Variants in CLSTN1 observed in about 807,000 individuals in gnomAD.
CLSTN1 encodes calsyntenin-1.
In CLSTN1, 28 loss-of-function variants were observed where a neutral mutation model predicts 108.3. The ratio of observed to expected loss-of-function variants is 0.26; its 90% CI spans 0.19 to 0.35. The LOEUF is 0.35. Ranked by LOEUF, CLSTN1 falls within the 10% of genes least tolerant of loss-of-function variation. CLSTN1 has a pLI of 1.00. For missense variants in CLSTN1, 1,157 were observed against 1,302.6 expected (o/e 0.89, Z 1.72); for synonymous variants, 524 against 534.9 (o/e 0.98, Z 0.28).
intron 1 of CLSTN1, among the ~76,000 whole-genome samples, chr1:9,779,494 T>C (rs1389942437): frequency 6.6e-6 from 1 of 151,044 alleles, no homozygotes; most frequent in Non-Finnish European, 1.5e-5. Context: ...GAGGTGGAGG[T>C]TGCAGTGAGC....
At chr1:9,782,754 C>G (rs1240557872) in intron 1 of CLSTN1, among the ~76,000 whole-genome samples, 1 of 152,204 alleles carries the variant, frequency 6.6e-6, no homozygotes, top group African/African-American at 2.4e-5. Context: ...CACCTGTAAT[C>G]CTAGCACTTT....
chr1:9,790,528 T>A (rs150556181), intron 1 of CLSTN1, among the ~76,000 whole-genome samples: 10 of 151,618 alleles, frequency 6.6e-5, no homozygotes, highest in Non-Finnish European at 1.3e-4. Context: ...GATTTGATTT[T>A]TGTTGAGGAC....
chr1:9,748,851 T>C (rs986694746), intron 7 of CLSTN1, among the ~76,000 whole-genome samples: 4 of 152,182 alleles, frequency 2.6e-5, no homozygotes, highest in Non-Finnish European at 5.9e-5. Context: ...TGTACTCCTA[T>C]AGAAGCCCTT....
chr1:9,771,617 A>G (rs965394150), intron 2 of CLSTN1, among the ~76,000 whole-genome samples: 1 of 150,018 alleles, frequency 6.7e-6, no homozygotes, highest in Non-Finnish European at 1.5e-5. Flanking sequence ...GTTTCAGGAG[A>G]AAAAAAAAAT....
rs763608960 is a variant in CLSTN1 at position 9,741,108 on chromosome 1, C to A, written c.1505G>T (p.Gly502Val). 6.2e-7 allele frequency: 1 copy of A among 1,613,462 alleles called. No homozygotes were observed. Among genetic ancestry groups the A allele is most frequent in the East Asian group, 2.2e-5 (1 of 44,882 alleles). The change falls in exon 10 of 19, where the codon GGG (glycine) becomes GTG (valine). Residue 502 changes from glycine to valine, a missense_variant. Gly to Val is a moderately radical substitution (Grantham distance 109). Transcript: ENST00000377298. ...ATGACAGGTACCTTGCCAGCAAGCC[C>A]CCACCACGAGCTGAGTTTCTATCTT... Reference protein sequence around the residue: ...PSKIETQLVVGACWQEFSGVE... With the variant: ...PSKIETQLVVVACWQEFSGVE...
chr1:9,743,712 T>A (rs1651095122), intron 9 of CLSTN1, among the ~76,000 whole-genome samples, 172 bp downstream of exon 9: 1 of 150,298 alleles, frequency 6.7e-6, no homozygotes, highest in South Asian at 2.1e-4. Flanking sequence ...CATGCCCAGC[T>A]AATTTTCGTG....
At chr1:9,751,437 T>G in intron 5 of CLSTN1, 36 bp downstream of exon 5, 1 of 1,603,556 alleles carries the variant, frequency 6.2e-7, no homozygotes. Context: ...GCAGGGACTG[T>G]CTACCTAGCT....
At chr1:9,797,197 A>T (rs1321463346) in intron 1 of CLSTN1, among the ~76,000 whole-genome samples, 5 of 152,208 alleles carry the variant, frequency 3.3e-5, no homozygotes, top group Admixed American at 2.0e-4. Context: ...AAAGAAATCA[A>T]GCTGGACTCA....
At chr1:9,824,164 T>G (rs1258969736), upstream of CLSTN1, 3 of 144,954 alleles carry the variant, frequency 2.1e-5, no homozygotes, top group Non-Finnish European at 4.6e-5. The surrounding 1 kb of genome is among the most constrained non-coding windows in gnomAD (Gnocchi z 5.0). Context: ...TCCGAGCCCG[T>G]CGGCCCCGCC....
At chr1:9,821,675 A>T (rs1311031264) in intron 1 of CLSTN1, among the ~76,000 whole-genome samples, 1 of 152,202 alleles carries the variant, frequency 6.6e-6, no homozygotes, top group Non-Finnish European at 1.5e-5. Context: ...GAGCCCACAG[A>T]GTGTCTCCAA....
At position 9,730,096 on chromosome 1, in the gene CLSTN1, T is replaced by A. The variant is rs2101066929; in HGVS notation, c.*412A>T. 4.6e-6 allele frequency: 1 copy of A among 218,726 alleles called. No individual in the cohort carries two copies. The highest frequency in any genetic ancestry group is 2.2e-5 in the African/African-American group (1 of 44,844). The allele number at this position is 218,726 out of a possible 1,614,324, so 13.5% of individuals were successfully genotyped here. On this transcript the variant is annotated 3_prime_UTR_variant, in exon 19 of 19. Coordinates refer to ENST00000377298, the MANE Select transcript of CLSTN1 (RefSeq NM_001009566.3). The surrounding 1 kb of genome is among the most constrained non-coding windows in gnomAD (Gnocchi z 5.6). Reference sequence around the variant, plus strand: ...GCACTAGTTTGGAAAAAATAAAAACTTTTTTTAAAAAAAGAAAAAAATGAT... The same window carrying A: ...GCACTAGTTTGGAAAAAATAAAAACATTTTTTAAAAAAAGAAAAAAATGAT...
At chr1:9,731,936 C>A (rs1036540857) in intron 16 of CLSTN1, 40 bp from the exon 17 acceptor site, 1 of 1,612,716 alleles carries the variant, frequency 6.2e-7, no homozygotes, top group African/African-American at 1.3e-5. Flanking sequence ...GACAGGCATC[C>A]TGAGCCTGTC....
chr1:9,736,097 C>T lies in CLSTN1; in HGVS notation c.1577-55G>A. 4 of 1,605,438 alleles carry T rather than the reference C, an allele frequency of 2.5e-6. No individual in the cohort carries two copies. In the South Asian group the frequency reaches 3.3e-5, roughly 13 times the overall value. On this transcript the variant is annotated intron_variant, in intron 11 of 18. Coordinates refer to ENST00000377298, the MANE Select transcript of CLSTN1 (RefSeq NM_001009566.3). ...AGGCGTGCAACCCAGCATCGCCCAACTCACTTCTCACTCAACACGGTGTTA... is the reference window on the plus strand; with the variant it reads ...AGGCGTGCAACCCAGCATCGCCCAATTCACTTCTCACTCAACACGGTGTTA...
chr1:9,779,008 C>A (rs1247217840), intron 1 of CLSTN1, among the ~76,000 whole-genome samples: 1 of 145,608 alleles, frequency 6.9e-6, no homozygotes, highest in Non-Finnish European at 1.5e-5. Flanking sequence ...GGGAGAGAAG[C>A]GAGAGACTTC....
chr1:9,794,062 T>C (rs1653883536), intron 1 of CLSTN1, among the ~76,000 whole-genome samples: 1 of 151,452 alleles, frequency 6.6e-6, no homozygotes. Flanking sequence ...TGGAGGGGGA[T>C]GCTAATGACC....
intron 1 of CLSTN1, among the ~76,000 whole-genome samples, chr1:9,787,287 T>C (rs1653542283): frequency 2.6e-5 from 4 of 151,300 alleles, no homozygotes; most frequent in African/African-American, 9.7e-5. Flanking sequence ...AAACAGCCCC[T>C]GCCCTCTCAG....
In CLSTN1 at chr1:9,735,544, C is replaced by T. The variant is rs190578331; in HGVS notation, c.1806G>A (p.Met602Ile). 72 of 1,614,170 alleles carry T rather than the reference C, an allele frequency of 4.5e-5. 1 individual carries two copies. The East Asian group carries it at 1.5e-3, about 34-fold the overall frequency. ...GGGAGTTCAGGTACGAGATGTGCTG[C>T]ATGGCCTTATCCAATTCCCCGAGGT... Reference protein sequence around the residue: ...GEDLGELDKAMQHISYLNSRQ... With the variant: ...GEDLGELDKAIQHISYLNSRQ... The change falls in exon 13 of 19, where the codon ATG (methionine) becomes ATA (isoleucine). Residue 602 changes from methionine (M) to isoleucine (I), a missense_variant. Physicochemically the swap from Met to Ile is conservative, Grantham distance 10. Coordinates refer to ENST00000377298, the MANE Select transcript of CLSTN1 (RefSeq NM_001009566.3).
At chr1:9,744,251 C>A in intron 8 of CLSTN1, 144 bp downstream of exon 8, 1 of 1,283,324 alleles carries the variant, frequency 7.8e-7, no homozygotes, top group Non-Finnish European at 1.1e-6. Flanking sequence ...TCTAGGGAAC[C>A]AAGTGCCCCA....
In CLSTN1 at chr1:9,821,571, A is replaced by G. The variant is rs943837435; in HGVS notation, c.91+2072T>C. Among the ~76,000 whole-genome samples, 3 of 152,232 alleles carry G rather than the reference A, an allele frequency of 2.0e-5. No homozygotes were observed. In the East Asian group the frequency reaches 5.8e-4, roughly 29 times the overall value. ...AGTCTGTACGTAATCTAACATTAAC[A>G]ATGATTAAAGGTAGCTACAGCATGA... On this transcript the variant is annotated intron_variant, in intron 1 of 18. Transcript: ENST00000377298.
Sources: gnomAD v4.1 joint callset for allele counts (sites outside exome capture counted in the v4.1 genomes callset) on GRCh38, gnomAD v4.1.1 for gene constraint, Gnocchi (gnomAD v3.1) non-coding constraint, MANE v1.5 for transcripts, NCBI Gene and HGNC (gene_info 2026-07-23, HGNC 2026-07-21) for gene names.